Variants in DGKK observed in about 807,000 individuals in gnomAD.
The protein encoded by DGKK is diacylglycerol kinase kappa.
DGKK carries 35 observed loss-of-function variants against 92.2 expected under a neutral mutation model. That is an observed-to-expected ratio of 0.38 (90% CI 0.29 to 0.50). The LOEUF is 0.50. Ranked by LOEUF, DGKK falls within the 20% of genes least tolerant of loss-of-function variation. The pLI is 0.92. For synonymous variants in DGKK, 368 were observed against 360.6 expected, an observed-to-expected ratio of 1.02 and a Z score of -0.23; for missense variants, 910 against 992.2, an observed-to-expected ratio of 0.92 and a Z score of 1.11.
intron 1 of DGKK, among the ~76,000 whole-genome samples, chrX:50,451,207 T>C (rs112348831): frequency 0.032 from 3,569 of 111,518 alleles, 146 homozygotes; most frequent in African/African-American, 0.11. Context: ...TATGTAGATA[T>C]TGAATTAATG....
At chrX:50,415,097 A>T (rs1278408515) in intron 4 of DGKK, among the ~76,000 whole-genome samples, 1 of 111,784 alleles carries the variant, frequency 8.9e-6, no homozygotes, top group Non-Finnish European at 1.9e-5. Flanking sequence ...GGGATGGAAG[A>T]GTCCAGCAGA....
At chrX:50,447,357 AATATATATATATTATATATATATATAAT>A (rs1926355511) in intron 1 of DGKK, among the ~76,000 whole-genome samples, 1 of 8,170 alleles carries the variant, frequency 1.2e-4, no homozygotes, top group East Asian at 5.1e-3. Flanking sequence ...ATATATATAT[AATATATATATATTATATATATATATAAT>A]ATATATATAT....
chrX:50,442,152 C>T (rs954791834), intron 1 of DGKK, among the ~76,000 whole-genome samples: 1 of 111,412 alleles, frequency 9.0e-6, no homozygotes, highest in Non-Finnish European at 1.9e-5. Context: ...ATGTGAAATG[C>T]ACATTTTCAA....
intron 4 of DGKK, among the ~76,000 whole-genome samples, chrX:50,405,008 C>T (rs999555579): frequency 9.0e-6 from 1 of 111,512 alleles, no homozygotes; most frequent in Non-Finnish European, 1.9e-5. Context: ...TGACTGCCTA[C>T]AGCAGTTTCC....
chrX:50,409,180 G>T (rs2147131924), intron 4 of DGKK, among the ~76,000 whole-genome samples: 1 of 111,171 alleles, frequency 9.0e-6, no homozygotes, highest in South Asian at 3.9e-4. Context: ...ACAGAGAGGA[G>T]AACACCATGT....
At chrX:50,447,367 TATTATATATATATATA>T (rs1926361516) in intron 1 of DGKK, among the ~76,000 whole-genome samples, 2 of 13,966 alleles carry the variant, frequency 1.4e-4, no homozygotes, top group African/African-American at 7.9e-4. Flanking sequence ...AATATATATA[TATTATATATATATATA>T]ATATATATAT....
intron 18 of DGKK, among the ~76,000 whole-genome samples, chrX:50,381,334 A>G (rs1208993901): frequency 1.8e-5 from 2 of 111,253 alleles, no homozygotes; most frequent in Non-Finnish European, 1.9e-5. Flanking sequence ...CAAGCATGGT[A>G]TCATGCACCA....
chrX:50,449,063 G>GC (rs1557232259), intron 1 of DGKK, among the ~76,000 whole-genome samples: 1 of 111,366 alleles, frequency 9.0e-6, no homozygotes, highest in African/African-American at 3.3e-5. Context: ...ACACTAGCTT[G>GC]CACACATCAG....
rs192656539 is a variant in DGKK, at chrX:50,413,362, A to T, written c.942+7041T>A. Among the ~76,000 whole-genome samples, 34 of 112,254 alleles carry T rather than the reference A, an allele frequency of 3.0e-4. 1 individual carries two copies. Among genetic ancestry groups the T allele is most frequent in the Admixed American group, 2.3e-3 (24 of 10,576 alleles). On this transcript the variant is annotated intron_variant, in intron 4 of 27. Transcript: ENST00000611977. The stretch of plus-strand genomic sequence containing the variant: ...ACAAATGCAAAACTGGACAAATGAG[A>T]TTACATCAAACTAAAAATCTTCTAT...
intron 1 of DGKK, among the ~76,000 whole-genome samples, chrX:50,460,896 A>AT (rs59461560): frequency 0.4 from 40,246 of 101,118 alleles, 6,738 homozygotes; most frequent in African/African-American, 0.58. Context: ...GCCATCACTA[A>AT]TTTTTTTTTT....
intron 17 of DGKK, among the ~76,000 whole-genome samples, chrX:50,383,756 A>G (rs190235126): frequency 1.1e-4 from 12 of 112,176 alleles, no homozygotes; most frequent in African/African-American, 3.9e-4. Context: ...TTTGCTGCCT[A>G]GTCCCCTAGT....
chrX:50,370,306 C>T, intron 27 of DGKK, 120 bp downstream of exon 27: 19 of 924,959 alleles, frequency 2.1e-5, no homozygotes, highest in Non-Finnish European at 2.5e-5. Context: ...TCCCAGATGG[C>T]CTCCCGCTTC....
chrX:50,414,421 T>C (rs895168576), intron 4 of DGKK, among the ~76,000 whole-genome samples: 3 of 111,616 alleles, frequency 2.7e-5, no homozygotes, highest in Non-Finnish European at 5.6e-5. Flanking sequence ...TCATGCCACC[T>C]CGTATACATA....
intron 4 of DGKK, among the ~76,000 whole-genome samples, chrX:50,415,910 A>G (rs1372521991): frequency 8.9e-6 from 1 of 111,944 alleles, no homozygotes; most frequent in Non-Finnish European, 1.9e-5. Flanking sequence ...GACTTTTGGA[A>G]TTTTTAGGTG....
chrX:50,379,588 C>A, intron 20 of DGKK, 39 bp downstream of exon 20: 1 of 1,083,243 alleles, frequency 9.2e-7, no homozygotes, highest in South Asian at 1.9e-5. Context: ...TTAGTGGGAT[C>A]ATGCCTTTCT....
intron 1 of DGKK, among the ~76,000 whole-genome samples, chrX:50,448,283 C>T (rs1397462857): frequency 1.8e-5 from 2 of 110,359 alleles, no homozygotes; most frequent in African/African-American, 6.6e-5. Context: ...TGAAATAGGG[C>T]TATTTGATCT....
chrX:50,393,362 A>T, intron 8 of DGKK, 27 bp from the exon 9 acceptor site: 1 of 1,161,975 alleles, frequency 8.6e-7, no homozygotes, highest in Non-Finnish European at 1.2e-6. Flanking sequence ...AAAAAGAAGA[A>T]AAAAAAGAAC....
At chrX:50,431,038 AT>A (rs782181130) in intron 1 of DGKK, among the ~76,000 whole-genome samples, 4 of 107,406 alleles carry the variant, frequency 3.7e-5, no homozygotes, top group South Asian at 8.2e-4. Context: ...TGCTTGGTGC[AT>A]TTTTTTTTAA....
intron 7 of DGKK, among the ~76,000 whole-genome samples, chrX:50,401,368 T>G: frequency 9.0e-6 from 1 of 111,158 alleles, no homozygotes; most frequent in Non-Finnish European, 1.9e-5. Flanking sequence ...CAAAGGTAGC[T>G]TTCAGAAGAT....
Sources: allele counts gnomAD v4.1 joint callset (sites outside exome capture counted in the v4.1 genomes callset), GRCh38; gene constraint gnomAD v4.1.1; transcripts MANE v1.5; gene names NCBI Gene and HGNC (gene_info 2026-07-23, HGNC 2026-07-21).